DPYSL2: variants seen among roughly 807,000 people sequenced by gnomAD.
DPYSL2 encodes the protein dihydropyrimidinase-related protein 2.
DPYSL2 carries 13 observed loss-of-function variants against 69.9 expected under a neutral mutation model. That is an observed-to-expected ratio of 0.19 (90% CI 0.12 to 0.30). DPYSL2 has a LOEUF of 0.30. Ranked by LOEUF, DPYSL2 falls within the 10% of genes least tolerant of loss-of-function variation. The pLI, the probability that DPYSL2 is intolerant of heterozygous loss-of-function variation, is 1.00. For synonymous variants in DPYSL2, 326 were observed against 359.1 expected (o/e 0.91, Z 1.04); for missense variants, 587 against 918.9 (o/e 0.64, Z 4.67).
chr8:26,622,466 G>GTA (rs1563413732), intron 3 of DPYSL2, among the ~76,000 whole-genome samples: 3 of 109,958 alleles, frequency 2.7e-5, no homozygotes, highest in African/African-American at 9.2e-5. Context: ...GTGTGTGTGT[G>GTA]TGTGTGTATA....
chr8:26,586,034 C>T lies in DPYSL2; in HGVS notation c.628+2051C>T, dbSNP rs569083522. Among the ~76,000 whole-genome samples, 1 of 152,122 alleles carries T rather than the reference C, an allele frequency of 6.6e-6. No individual in the cohort carries two copies. The highest frequency in any genetic ancestry group is 1.9e-4 in the East Asian group (1 of 5,174). ...CAGGAGAATCTTTGAACCTGGGAGG[C>T]GGAGGTTGCAGGGAGCTGAGATTGC... On this transcript the variant is annotated intron_variant, in intron 3 of 13. Coordinates refer to ENST00000521913, the MANE Select transcript of DPYSL2 (RefSeq NM_001197293.3). The surrounding 1 kb of genome is among the most constrained non-coding windows in gnomAD (Gnocchi z 4.7).
chr8:26,641,751 C>T lies in DPYSL2; in HGVS notation c.1127-1688C>T, dbSNP rs1176652326. 6.6e-6 allele frequency among the ~76,000 whole-genome samples: 1 copy of T among 152,200 alleles called. No individual in the cohort carries two copies. Among genetic ancestry groups the T allele is most frequent in the African/African-American group, 2.4e-5 (1 of 41,458 alleles). ...GAGGAGGTTTCCCTGGGTTTGGAGT[C>T]CTCCCTCCTGCTGGGGGTGGGGGCG... On this transcript the variant is annotated intron_variant, in intron 8 of 13. Coordinates refer to ENST00000521913, the MANE Select transcript of DPYSL2 (RefSeq NM_001197293.3). The surrounding 1 kb of genome is among the most constrained non-coding windows in gnomAD (Gnocchi z 4.1).
chr8:26,600,855 G>T (rs2060746445), intron 3 of DPYSL2, among the ~76,000 whole-genome samples: 1 of 152,220 alleles, frequency 6.6e-6, no homozygotes, highest in Admixed American at 6.5e-5. Context: ...CCGCATGGCT[G>T]AGAGTAAATC....
rs1280564304 is a variant in DPYSL2, at chr8:26,624,692, A to G, written c.793+385A>G. Among the ~76,000 whole-genome samples, 1 of 152,220 alleles carries G rather than the reference A, an allele frequency of 6.6e-6. No individual in the cohort carries two copies. The highest frequency in any genetic ancestry group is 2.4e-5 in the African/African-American group (1 of 41,448). Reference sequence around the variant, plus strand: ...ATCTCAGTGAGGATTTGACAGTCTCAGGAGAGTGTTGGGCAGCCCCTTCCT... The same window carrying G: ...ATCTCAGTGAGGATTTGACAGTCTCGGGAGAGTGTTGGGCAGCCCCTTCCT... On this transcript the variant is annotated intron_variant, in intron 4 of 13. Transcript: ENST00000521913. The surrounding 1 kb of genome is among the most constrained non-coding windows in gnomAD (Gnocchi z 4.7).
Position 26,556,144 on chromosome 8 carries a change from G to GTGTATATATAGTATA in DPYSL2, c.355-25824_355-25823insGTATATATAGTATAT, listed in dbSNP as rs1800953709. ...ATATATATTATATATACTATATATA[G>GTGTATATATAGTATA]TATATACTATATATAGTATATACTA... On this transcript the variant is annotated intron_variant, in intron 1 of 13. Coordinates refer to ENST00000521913, the MANE Select transcript of DPYSL2 (RefSeq NM_001197293.3). Among the ~76,000 whole-genome samples the GTGTATATATAGTATA allele has an allele frequency of 7.8e-4, 2 of 2,574 alleles. 1 individual carries two copies. Among genetic ancestry groups the GTGTATATATAGTATA allele is most frequent in the African/African-American group, 3.2e-3 (2 of 616 alleles). The allele number at this position is 2,574 out of a possible 152,430, so 1.7% of individuals were successfully genotyped here.
rs1368970607 is a variant in DPYSL2 at position 26,585,281 on chromosome 8, G to A, written c.628+1298G>A. On this transcript the variant is annotated intron_variant, in intron 3 of 13. Transcript: ENST00000521913. This position sits in a 1 kb window ranked among gnomAD's most constrained non-coding sequence, Gnocchi z 4.0. Reference sequence around the variant, plus strand: ...GGTGGTCTTTTTGCTTGTGGCTTTGGGGTCTATCTGGAAGCTTCTTTTCTA... The same window carrying A: ...GGTGGTCTTTTTGCTTGTGGCTTTGAGGTCTATCTGGAAGCTTCTTTTCTA... 6.6e-6 allele frequency among the ~76,000 whole-genome samples: 1 copy of A among 152,060 alleles called. No individual in the cohort carries two copies. The highest frequency in any genetic ancestry group is 6.5e-5 in the Admixed American group (1 of 15,270).
At chr8:26,522,017 T>C (rs981880662) in intron 1 of DPYSL2, among the ~76,000 whole-genome samples, 5 of 152,186 alleles carry the variant, frequency 3.3e-5, no homozygotes, top group African/African-American at 7.2e-5. Flanking sequence ...TTTAAACATA[T>C]GTTTTTAAGG....
Position 26,640,025 on chromosome 8 carries a change from G to A in DPYSL2, c.1127-3414G>A, listed in dbSNP as rs563537126. On this transcript the variant is annotated intron_variant, in intron 8 of 13. Coordinates refer to ENST00000521913, the MANE Select transcript of DPYSL2 (RefSeq NM_001197293.3). The surrounding 1 kb of genome is among the most constrained non-coding windows in gnomAD (Gnocchi z 4.2). ...AAAGGCAAAGGAGAATGGTGAGAGC[G>A]TGTGTAACTGTCTGTCTGTCTGTCC... Among the ~76,000 whole-genome samples the A allele has an allele frequency of 5.9e-5, 9 of 152,306 alleles. No individual in the cohort carries two copies. The highest frequency in any genetic ancestry group is 1.9e-4 in the East Asian group (1 of 5,182).
chr8:26,651,531 G>T lies in DPYSL2; in HGVS notation c.1597-726G>T, dbSNP rs186692535. ...TTTGGGATCTGGGAAGTAGCACTGG[G>T]TTAGCAGAAGCTGCAGGATGGAATG... On this transcript the variant is annotated intron_variant, in intron 11 of 13. Transcript: ENST00000521913. Among the ~76,000 whole-genome samples, 339 of 152,320 alleles carry T rather than the reference G, an allele frequency of 2.2e-3. 4 individuals are homozygous for T. The highest frequency in any genetic ancestry group is 7.8e-3 in the African/African-American group (325 of 41,562).
rs185421748 is a variant in DPYSL2, at chr8:26,595,720, G to A, written c.628+11737G>A. Among the ~76,000 whole-genome samples, 15 of 152,314 alleles carry A rather than the reference G, an allele frequency of 9.8e-5. No homozygotes were observed. In the East Asian group the frequency reaches 2.9e-3, roughly 29 times the overall value. ...CTAAGGAAGCATTTAGTCATGTAGGGCCTACCATGCCCAGCAGTGCAGCGT... is the reference window on the plus strand; with the variant it reads ...CTAAGGAAGCATTTAGTCATGTAGGACCTACCATGCCCAGCAGTGCAGCGT... On this transcript the variant is annotated intron_variant, in intron 3 of 13. Coordinates refer to ENST00000521913, the MANE Select transcript of DPYSL2 (RefSeq NM_001197293.3).
intron 8 of DPYSL2, among the ~76,000 whole-genome samples, chr8:26,638,430 G>GTCCAGAATCTAA: frequency 6.6e-6 from 1 of 152,350 alleles, no homozygotes; most frequent in African/African-American, 2.4e-5. Context: ...AAGACCTGCT[G>GTCCAGAATCTAA]GTCCAGAATC....
chr8:26,623,876 G>A (rs1212257528), intron 3 of DPYSL2: 2 of 382,100 alleles, frequency 5.2e-6, no homozygotes, highest in Non-Finnish European at 9.5e-6. Context: ...CCCAAAGCTT[G>A]AGCTTTCAGG....
intron 3 of DPYSL2, among the ~76,000 whole-genome samples, chr8:26,602,932 C>T (rs938698865): frequency 6.6e-6 from 1 of 152,160 alleles, no homozygotes; most frequent in Non-Finnish European, 1.5e-5. Context: ...CCCTTGAAAG[C>T]CGGCTCAAAT....
In DPYSL2 at chr8:26,650,397, C is replaced by T. The variant is rs2129991192; in HGVS notation, c.1597-1860C>T. Among the ~76,000 whole-genome samples the T allele has an allele frequency of 6.6e-6, 1 of 152,318 alleles. No homozygotes were observed. Among genetic ancestry groups the T allele is most frequent in the East Asian group, 1.9e-4 (1 of 5,174 alleles). On this transcript the variant is annotated intron_variant, in intron 11 of 13. Coordinates refer to ENST00000521913, the MANE Select transcript of DPYSL2 (RefSeq NM_001197293.3). The surrounding 1 kb of genome is among the most constrained non-coding windows in gnomAD (Gnocchi z 5.3). ...GTGGAGTGATGTGGAAGAGATGGCT[C>T]TTGATCCAGGCCTTAAAGGATGACT...
At chr8:26,553,598 T>A (rs1800901515) in intron 1 of DPYSL2, among the ~76,000 whole-genome samples, 4 of 152,216 alleles carry the variant, frequency 2.6e-5, no homozygotes, top group Non-Finnish European at 5.9e-5. Flanking sequence ...ATGGTATATA[T>A]ACACCACATT....
At position 26,615,886 on chromosome 8, in the gene DPYSL2, C is replaced by T. The variant is rs903911542; in HGVS notation, c.629-8257C>T. On this transcript the variant is annotated intron_variant, in intron 3 of 13. Transcript: ENST00000521913. ...AAGGCAAGTAGTTCACCCTGTAAGG[C>T]AGCACGTGCTTTGGAGGCACCTAAA... Among the ~76,000 whole-genome samples, 7 of 152,158 alleles carry T rather than the reference C, an allele frequency of 4.6e-5. No homozygotes were observed. In the East Asian group the frequency reaches 7.7e-4, roughly 17 times the overall value.
At chr8:26,572,153 C>T (rs1001658552) in intron 1 of DPYSL2, among the ~76,000 whole-genome samples, 2 of 152,236 alleles carry the variant, frequency 1.3e-5, no homozygotes, top group South Asian at 2.1e-4. Context: ...AGTTCCCCTA[C>T]TCTGTGAAAT....
intron 1 of DPYSL2, among the ~76,000 whole-genome samples, chr8:26,570,673 G>T (rs1801221988): frequency 6.7e-6 from 1 of 148,598 alleles, no homozygotes; most frequent in African/African-American, 2.5e-5. Flanking sequence ...GGCAGAGGTT[G>T]CAGTGAGTTG....
intron 1 of DPYSL2, among the ~76,000 whole-genome samples, chr8:26,542,019 C>T (rs1423513623): frequency 1.3e-5 from 2 of 152,076 alleles, no homozygotes; most frequent in Non-Finnish European, 2.9e-5. Context: ...GCCTGTAATC[C>T]CAACAATCTG....
Sources: gnomAD v4.1 joint callset for allele counts (sites outside exome capture counted in the v4.1 genomes callset) on GRCh38, gnomAD v4.1.1 for gene constraint, Gnocchi (gnomAD v3.1) non-coding constraint, MANE v1.5 for transcripts, NCBI Gene and HGNC (gene_info 2026-07-23, HGNC 2026-07-21) for gene names.